Variants in ENOX1 observed in about 807,000 individuals in gnomAD.
The protein encoded by ENOX1 is candidate growth-related and time keeping constitutive hydroquinone (NADH) oxidase.
ENOX1 carries 42 observed loss-of-function variants against 82.5 expected under a neutral mutation model. The ratio of observed to expected loss-of-function variants is 0.51; its 90% CI spans 0.40 to 0.66. The LOEUF (loss-of-function observed/expected upper bound fraction) is 0.66, where lower values mean the gene tolerates loss of function less well. Ranked by LOEUF, ENOX1 falls within the 30% of genes least tolerant of loss-of-function variation. The probability of loss-of-function intolerance (pLI) is 0.00; values close to 1 mark genes in which losing one functional copy is unlikely to be tolerated. For synonymous variants in ENOX1, 271 were observed against 282.2 expected (o/e 0.96, Z 0.40); for missense variants, 608 against 811.6 (o/e 0.75, Z 3.05).
intron 3 of ENOX1, among the ~76,000 whole-genome samples, chr13:43,434,936 G>GTTTTTTTT (rs1259674451): frequency 2.9e-5 from 2 of 67,844 alleles, no homozygotes; most frequent in Non-Finnish European, 6.2e-5. Context: ...GTGTGTGTGT[G>GTTTTTTTT]GTTTTTTTTT....
rs146680776 is a variant in ENOX1, at chr13:43,359,109, C to T, written c.589+742G>A. Reference sequence around the variant, plus strand: ...CACCCGCTACTGTTTTCCCACATTCCCCCATCAGCTTTGCCTCAGGAATAG... The same window carrying T: ...CACCCGCTACTGTTTTCCCACATTCTCCCATCAGCTTTGCCTCAGGAATAG... On this transcript the variant is annotated intron_variant, in intron 7 of 16. Transcript: ENST00000690772. 8.0e-3 allele frequency among the ~76,000 whole-genome samples: 1,217 copies of T among 152,170 alleles called. 9 individuals carry two copies. The highest frequency in any genetic ancestry group is 0.012 in the Non-Finnish European group (826 of 68,002).
chr13:43,454,602 T>C (rs2057132303), intron 3 of ENOX1, among the ~76,000 whole-genome samples: 1 of 152,136 alleles, frequency 6.6e-6, no homozygotes. Context: ...AAGTTTTCTT[T>C]CCTGATCTTT....
In ENOX1 at chr13:43,316,687, TA is replaced by T. The variant is rs528871272; in HGVS notation, c.1261+5696del. Among the ~76,000 whole-genome samples, 135 of 151,846 alleles carry T rather than the reference TA, an allele frequency of 8.9e-4. 1 individual carries two copies. Among genetic ancestry groups the T allele is most frequent in the Admixed American group, 7.1e-3 (108 of 15,246 alleles). ...CATATCCATTACGGAAAGGGAATTG[TA>T]ACTGCACATGAAATTAGGGAACTTA... On this transcript the variant is annotated intron_variant, in intron 11 of 16. Coordinates refer to ENST00000690772, the MANE Select transcript of ENOX1 (RefSeq NM_001347969.2).
intron 2 of ENOX1, among the ~76,000 whole-genome samples, chr13:43,580,317 TG>T (rs1379940599): frequency 6.6e-6 from 1 of 152,244 alleles, no homozygotes; most frequent in Non-Finnish European, 1.5e-5. Context: ...CTCAGCCATT[TG>T]GGGTTTTTTT....
chr13:43,299,199 C>T (rs902682535), intron 11 of ENOX1, among the ~76,000 whole-genome samples: 5 of 152,160 alleles, frequency 3.3e-5, no homozygotes, highest in Non-Finnish European at 4.4e-5. Context: ...CATTTAGATT[C>T]AGACTTCATT....
At chr13:43,373,325 G>C (rs2051371840) in intron 5 of ENOX1, among the ~76,000 whole-genome samples, 1 of 152,070 alleles carries the variant, frequency 6.6e-6, no homozygotes, top group Admixed American at 6.6e-5. Context: ...TTCTCCAAGG[G>C]AAATCAGAAA....
chr13:43,255,821 T>C (rs1286855291), intron 14 of ENOX1, among the ~76,000 whole-genome samples: 3 of 152,122 alleles, frequency 2.0e-5, no homozygotes, highest in African/African-American at 4.8e-5. Flanking sequence ...AGAAGTGATA[T>C]TGTTAAAAAG....
At chr13:43,312,083 A>T (rs1336091414) in intron 11 of ENOX1, among the ~76,000 whole-genome samples, 1 of 152,260 alleles carries the variant, frequency 6.6e-6, no homozygotes, top group African/African-American at 2.4e-5. Flanking sequence ...AAAAATCACA[A>T]GTATCAAATA....
intron 5 of ENOX1, among the ~76,000 whole-genome samples, chr13:43,379,010 A>G (rs1285740805): frequency 6.6e-6 from 1 of 152,196 alleles, no homozygotes; most frequent in Non-Finnish European, 1.5e-5. Flanking sequence ...TGAAGAATTC[A>G]ACCCTCCATT....
intron 2 of ENOX1, among the ~76,000 whole-genome samples, chr13:43,591,287 G>T (rs9567223): frequency 0.32 from 49,117 of 152,074 alleles, 10,600 homozygotes; most frequent in East Asian, 0.74. Flanking sequence ...GTCATACAAT[G>T]GAATATTTCA....
intron 8 of ENOX1, among the ~76,000 whole-genome samples, chr13:43,351,695 C>A (rs570643465): frequency 6.7e-6 from 1 of 148,862 alleles, no homozygotes. Context: ...TTTGTTCTTG[C>A]GATAGTTTAC....
At chr13:43,758,597 A>G (rs1213013014) in intron 1 of ENOX1, among the ~76,000 whole-genome samples, 2 of 152,220 alleles carry the variant, frequency 1.3e-5, no homozygotes. Flanking sequence ...TTTGTAAGAT[A>G]TGACTATTTG....
chr13:43,314,935 C>T (rs768200091), intron 11 of ENOX1, among the ~76,000 whole-genome samples: 1 of 152,174 alleles, frequency 6.6e-6, no homozygotes, highest in Non-Finnish European at 1.5e-5. Flanking sequence ...GCCTATGATC[C>T]AGGAAGAATA....
At chr13:43,546,121 C>A (rs1430233149) in intron 2 of ENOX1, 1 of 152,180 alleles carries the variant, frequency 6.6e-6, no homozygotes, top group African/African-American at 2.4e-5. Flanking sequence ...AAGGTCCCTG[C>A]CCTCATAGAC....
intron 2 of ENOX1, among the ~76,000 whole-genome samples, chr13:43,642,051 A>G (rs1443059303): frequency 6.6e-6 from 1 of 152,228 alleles, no homozygotes; most frequent in East Asian, 1.9e-4. Flanking sequence ...ATTAGATATT[A>G]TTATCATCCT....
chr13:43,263,213 TAAAAC>T (rs2044179169), intron 14 of ENOX1, among the ~76,000 whole-genome samples: 1 of 152,162 alleles, frequency 6.6e-6, no homozygotes, highest in African/African-American at 2.4e-5. Flanking sequence ...AAACCCCTGA[TAAAAC>T]AGGCAGTGAT....
intron 2 of ENOX1, among the ~76,000 whole-genome samples, chr13:43,626,831 C>A (rs138722047): frequency 3.0e-4 from 45 of 151,950 alleles, no homozygotes; most frequent in African/African-American, 1.1e-3. Flanking sequence ...GTGAGATATT[C>A]TATATCCTTA....
intron 1 of ENOX1, among the ~76,000 whole-genome samples, chr13:43,692,083 T>G (rs1247151145): frequency 1.3e-5 from 2 of 152,152 alleles, no homozygotes; most frequent in African/African-American, 4.8e-5. Context: ...GTGAATCTAC[T>G]TTTTTATCTC....
At chr13:43,629,741 G>A (rs553076302) in intron 2 of ENOX1, among the ~76,000 whole-genome samples, 53 of 152,246 alleles carry the variant, frequency 3.5e-4, no homozygotes, top group African/African-American at 1.3e-3. Flanking sequence ...AATTGCTCTT[G>A]GCCATCTGTT....
Sources: allele counts gnomAD v4.1 joint callset (sites outside exome capture counted in the v4.1 genomes callset), GRCh38; gene constraint gnomAD v4.1.1; transcripts MANE v1.5; gene names NCBI Gene and HGNC (gene_info 2026-07-23, HGNC 2026-07-21).